NCKAP5: variants seen among roughly 807,000 people sequenced by gnomAD.
NCKAP5 encodes the protein nck-associated protein 5.
Under a neutral mutation model 167.0 loss-of-function variants are expected in NCKAP5, and 92 were observed. The ratio of observed to expected loss-of-function variants is 0.55; its 90% confidence interval spans 0.47 to 0.66. NCKAP5 has a LOEUF of 0.66. Ranked by LOEUF, NCKAP5 falls within the 30% of genes least tolerant of loss-of-function variation. NCKAP5 has a pLI of 0.00. For missense variants in NCKAP5, 2,378 were observed against 2,315.0 expected (o/e 1.03, Z -0.56); for synonymous variants, 891 against 877.4 (o/e 1.02, Z -0.27).
chr2:133,470,839 C>G (rs1009492213), intron 3 of NCKAP5, among the ~76,000 whole-genome samples: 1 of 152,272 alleles, frequency 6.6e-6, no homozygotes, highest in Non-Finnish European at 1.5e-5. Flanking sequence ...TTGCGCTTCC[C>G]AAGTGAGGCA....
chr2:133,021,832 C>T (rs1023818661), intron 6 of NCKAP5, among the ~76,000 whole-genome samples: 2 of 152,088 alleles, frequency 1.3e-5, no homozygotes, highest in African/African-American at 4.8e-5. Context: ...GGTTTTGCCA[C>T]TTTGCCCAGG....
At chr2:133,570,196 T>A (rs897144647), upstream of NCKAP5, among the ~76,000 whole-genome samples, 1 of 152,190 alleles carries the variant, frequency 6.6e-6, no homozygotes, top group East Asian at 1.9e-4. Flanking sequence ...AGAGGAATTA[T>A]ATAAATGATT....
rs148978257 is a variant in NCKAP5, at chr2:132,720,895, C to T, written c.5713+4732G>A. 5.2e-3 allele frequency among the ~76,000 whole-genome samples: 793 copies of T among 152,166 alleles called. 4 individuals are homozygous for T. The highest frequency in any genetic ancestry group is 0.017 in the Middle Eastern group (5 of 294). The stretch of plus-strand genomic sequence containing the variant: ...GTGTGGTGGGAGGCACCTGTAATCT[C>T]AGCTACTCAGGAGGCTGAAGCAGGA... On this transcript the variant is annotated intron_variant, in intron 19 of 19. Coordinates refer to ENST00000409261, the MANE Select transcript of NCKAP5 (RefSeq NM_207363.3).
chr2:133,120,960 A>AT (rs140790381), intron 6 of NCKAP5, among the ~76,000 whole-genome samples: 11 of 151,522 alleles, frequency 7.3e-5, no homozygotes, highest in East Asian at 1.9e-4. Flanking sequence ...CAATCAACAA[A>AT]TTTTTTTTTA....
At chr2:133,159,959 A>G (rs2083719856) in intron 5 of NCKAP5, among the ~76,000 whole-genome samples, 2 of 152,170 alleles carry the variant, frequency 1.3e-5, no homozygotes, top group South Asian at 2.1e-4. Flanking sequence ...GTTTGTACAC[A>G]TGATGGGGAT....
intron 5 of NCKAP5, among the ~76,000 whole-genome samples, chr2:133,206,846 C>T (rs932842236): frequency 6.6e-6 from 1 of 152,074 alleles, no homozygotes; most frequent in Non-Finnish European, 1.5e-5. Context: ...GGTCTATAGA[C>T]TGCTGCTCTG....
At chr2:133,356,252 T>TTTGTCTGAAAACACAACTAAATTA in intron 3 of NCKAP5, among the ~76,000 whole-genome samples, 1 of 152,146 alleles carries the variant, frequency 6.6e-6, no homozygotes, top group Non-Finnish European at 1.5e-5. Context: ...ATATCTCAAA[T>TTTGTCTGAAAACACAACTAAATTA]CCCATCTCAG....
chr2:133,049,895 G>GT (rs1349576112), intron 6 of NCKAP5, among the ~76,000 whole-genome samples: 2 of 152,216 alleles, frequency 1.3e-5, no homozygotes, highest in Non-Finnish European at 2.9e-5. Flanking sequence ...GCCAAAAGGT[G>GT]TATGAACCTG....
intron 6 of NCKAP5, among the ~76,000 whole-genome samples, chr2:133,015,698 A>T (rs1375046402): frequency 6.6e-6 from 1 of 152,196 alleles, no homozygotes; most frequent in Non-Finnish European, 1.5e-5. Flanking sequence ...GGGTGCAAAC[A>T]ATCCTGAGAT....
intron 9 of NCKAP5, among the ~76,000 whole-genome samples, chr2:132,876,707 C>T (rs1251563700): frequency 6.6e-6 from 1 of 152,184 alleles, no homozygotes; most frequent in African/African-American, 2.4e-5. Context: ...TGTCACAAAT[C>T]ACCTCTTTGG....
chr2:132,727,123 C>T (rs930136067), intron 18 of NCKAP5, among the ~76,000 whole-genome samples: 14 of 152,216 alleles, frequency 9.2e-5, no homozygotes, highest in Admixed American at 3.3e-4. Context: ...TAGTGCAGGA[C>T]GATGAGGAAG....
rs114702090 is a variant in NCKAP5, at chr2:133,167,542, C to A, written c.208-37431G>T. On this transcript the variant is annotated intron_variant, in intron 5 of 19. Coordinates refer to ENST00000409261, the MANE Select transcript of NCKAP5 (RefSeq NM_207363.3). ...TTATCTTGTGGATATTTTAGAGCAT[C>A]ATTTTCAAGGTTAAGAGACCTGCTT... is the stretch of plus-strand genomic sequence containing the variant. Among the ~76,000 whole-genome samples the A allele has an allele frequency of 2.3e-3, 350 of 152,212 alleles. 4 individuals are homozygous for A. The highest frequency in any genetic ancestry group is 7.8e-3 in the African/African-American group (325 of 41,534).
intron 6 of NCKAP5, among the ~76,000 whole-genome samples, chr2:133,044,168 T>C (rs2079308737): frequency 1.3e-5 from 2 of 152,188 alleles, no homozygotes; most frequent in Admixed American, 1.3e-4. Flanking sequence ...CAGGATATTT[T>C]TATGAATCTA....
chr2:133,542,140 G>T (rs1344910833), intron 2 of NCKAP5, among the ~76,000 whole-genome samples: 1 of 152,120 alleles, frequency 6.6e-6, no homozygotes, highest in Non-Finnish European at 1.5e-5. Context: ...ATATCATGGG[G>T]ATGTCCCTAA....
At chr2:133,380,159 T>C (rs1414011979) in intron 3 of NCKAP5, among the ~76,000 whole-genome samples, 1 of 152,192 alleles carries the variant, frequency 6.6e-6, no homozygotes, top group Non-Finnish European at 1.5e-5. Context: ...GACAGATGAA[T>C]AAGATTTATC....
chr2:132,749,729 G>A (rs183684969), intron 16 of NCKAP5, among the ~76,000 whole-genome samples: 113 of 151,414 alleles, frequency 7.5e-4, no homozygotes, highest in Middle Eastern at 3.4e-3. Flanking sequence ...ATACATATAA[G>A]ACAAAATACA....
the NCKAP5 span, among the ~76,000 whole-genome samples, chr2:133,582,360 C>G: frequency 6.6e-6 from 1 of 152,164 alleles, no homozygotes; most frequent in Non-Finnish European, 1.5e-5. Context: ...CTGAAACGGG[C>G]TAGACATGAT....
rs1687231919 is a variant in NCKAP5 at position 132,695,645 on chromosome 2, C to T, written c.5714-22340G>A. ...GACCTTTGGTGGATAAAGGCAGGAGCGAATCCAAAATAGGAAGCGTTGGTA... is the reference window on the plus strand; with the variant it reads ...GACCTTTGGTGGATAAAGGCAGGAGTGAATCCAAAATAGGAAGCGTTGGTA... On this transcript the variant is annotated intron_variant, in intron 19 of 19. Coordinates refer to ENST00000409261, the MANE Select transcript of NCKAP5 (RefSeq NM_207363.3). Among the ~76,000 whole-genome samples, 3 of 152,026 alleles carry T rather than the reference C, an allele frequency of 2.0e-5. No homozygotes were observed. The South Asian group carries it at 6.2e-4, about 32-fold the overall frequency.
chr2:133,531,842 G>T (rs990404198), intron 2 of NCKAP5, among the ~76,000 whole-genome samples: 1 of 152,120 alleles, frequency 6.6e-6, no homozygotes, highest in African/African-American at 2.4e-5. Flanking sequence ...CTACTACCCT[G>T]TATTTAACAC....
Sources: allele counts gnomAD v4.1 joint callset (sites outside exome capture counted in the v4.1 genomes callset), GRCh38; gene constraint gnomAD v4.1.1; transcripts MANE v1.5; gene names NCBI Gene and HGNC (gene_info 2026-07-23, HGNC 2026-07-21).